ELP4: variants seen among roughly 807,000 people sequenced by gnomAD.
The protein encoded by ELP4 is elongator complex protein 4.
A neutral mutation model predicts 48.9 loss-of-function variants in ELP4; 51 were observed. That is an observed-to-expected ratio of 1.04 (90% CI 0.83 to 1.32). The LOEUF is 1.32. Ranked by LOEUF, ELP4 falls within the 40% of genes most tolerant of loss-of-function variation. The pLI, the probability that ELP4 is intolerant of heterozygous loss-of-function variation, is 0.00. For synonymous variants in ELP4, 210 were observed against 189.2 expected, an observed-to-expected ratio of 1.11 and a Z score of -0.90; for missense variants, 519 against 514.6, an observed-to-expected ratio of 1.01 and a Z score of -0.08.
At chr11:31,647,202 T>A (rs1033817463) in intron 7 of ELP4, 1 of 151,780 alleles carries the variant, frequency 6.6e-6, no homozygotes, top group Non-Finnish European at 1.5e-5. Context: ...CTAGCCATGT[T>A]GCAGTCTCTT....
chr11:31,781,077 A>G (rs886739120), intron 9 of ELP4, among the ~76,000 whole-genome samples: 1 of 152,146 alleles, frequency 6.6e-6, no homozygotes, highest in Non-Finnish European at 1.5e-5. Flanking sequence ...TGCTTGCCTT[A>G]TTCATATTAC....
At chr11:31,513,551 A>G (rs1036636727) in intron 1 of ELP4, among the ~76,000 whole-genome samples, 2 of 152,210 alleles carry the variant, frequency 1.3e-5, no homozygotes, top group East Asian at 1.9e-4. Context: ...AAGGACTGGC[A>G]TAAATCACTG....
intron 8 of ELP4, chr11:31,649,911 A>G (rs1945285215): frequency 2.6e-6 from 1 of 388,798 alleles, no homozygotes; most frequent in Non-Finnish European, 4.6e-6. Flanking sequence ...TTTTCCTCGC[A>G]CAAGGATTTC....
chr11:31,642,496 G>T (rs1945119589), intron 7 of ELP4, among the ~76,000 whole-genome samples: 1 of 151,686 alleles, frequency 6.6e-6, no homozygotes, highest in African/African-American at 2.4e-5. Context: ...AGGAATATTT[G>T]CCATTAGCCC....
chr11:31,768,428 T>A (rs1948081411), intron 9 of ELP4, among the ~76,000 whole-genome samples: 2 of 152,130 alleles, frequency 1.3e-5, no homozygotes, highest in Non-Finnish European at 2.9e-5. Flanking sequence ...TTTTATAAAC[T>A]CAGTAGAGAG....
chr11:31,681,341 C>T (rs569535466), intron 9 of ELP4, among the ~76,000 whole-genome samples: 15 of 152,192 alleles, frequency 9.9e-5, no homozygotes, highest in Admixed American at 4.6e-4. Flanking sequence ...TGCATCATAC[C>T]GTATAGAATT....
intron 2 of ELP4, among the ~76,000 whole-genome samples, chr11:31,528,151 C>G (rs1402647741): frequency 6.6e-6 from 1 of 152,056 alleles, no homozygotes; most frequent in African/African-American, 2.4e-5. Context: ...TATCATGGCA[C>G]TTACTACACA....
chr11:31,687,449 C>G (rs1024925537), intron 9 of ELP4, among the ~76,000 whole-genome samples: 1 of 152,150 alleles, frequency 6.6e-6, no homozygotes, highest in East Asian at 1.9e-4. Context: ...ATAGAAACAA[C>G]AGTTGACTCA....
intron 5 of ELP4, among the ~76,000 whole-genome samples, chr11:31,616,429 A>G (rs1459463648): frequency 2.0e-5 from 3 of 152,136 alleles, no homozygotes; most frequent in Non-Finnish European, 4.4e-5. Context: ...AAAAATTAAA[A>G]TGGATTAAAG....
intron 3 of ELP4, among the ~76,000 whole-genome samples, chr11:31,552,189 ATTC>A (rs1212042030): frequency 4.6e-5 from 7 of 151,956 alleles, no homozygotes; most frequent in African/African-American, 1.7e-4. Context: ...ACTTTATCTT[ATTC>A]TTCTTTGCTA....
chr11:31,551,044 C>G (rs1254428205), intron 3 of ELP4, among the ~76,000 whole-genome samples: 1 of 152,152 alleles, frequency 6.6e-6, no homozygotes, highest in East Asian at 1.9e-4. Context: ...TATGATCGCA[C>G]TTGTTTAAAA....
chr11:31,581,596 G>A (rs1482334241), intron 3 of ELP4, among the ~76,000 whole-genome samples: 2 of 152,026 alleles, frequency 1.3e-5, no homozygotes, highest in Non-Finnish European at 2.9e-5. Context: ...ATTCCTTCTT[G>A]TTCTAAAACG....
chr11:31,691,236 A>G (rs538226987), intron 9 of ELP4, among the ~76,000 whole-genome samples: 1 of 152,098 alleles, frequency 6.6e-6, no homozygotes, highest in African/African-American at 2.4e-5. Context: ...TAAATCTCGG[A>G]TAGTACTATG....
rs575200110 is a variant in ELP4, at chr11:31,626,612, G to T, written c.654-498G>T. The stretch of plus-strand genomic sequence containing the variant: ...GTGAAAATCATACTCACTTTTCTTC[G>T]TGTGTCTTAAAAAATCAAGCTTTAA... On this transcript the variant is annotated intron_variant, in intron 5 of 9. Coordinates refer to ENST00000640961, the MANE Select transcript of ELP4 (RefSeq NM_019040.5). 3.3e-5 allele frequency among the ~76,000 whole-genome samples: 5 copies of T among 151,600 alleles called. No homozygotes were observed. In the East Asian group the frequency reaches 9.7e-4, roughly 29 times the overall value.
rs538595830 is a variant in ELP4 at position 31,665,901 on chromosome 11, T to G, written c.1143+15680T>G. ...AACTCCTGGGCTCAAGCAGAGCACC[T>G]GCCTAGGCCTCTCAAAGTGCTGGGA... On this transcript the variant is annotated intron_variant, in intron 9 of 9. Transcript: ENST00000640961. 5.9e-5 allele frequency among the ~76,000 whole-genome samples: 9 copies of G among 151,736 alleles called. No homozygotes were observed. The South Asian group carries it at 1.9e-3, about 32-fold the overall frequency.
chr11:31,511,188 T>G (rs1391139404), intron 1 of ELP4: 1 of 152,222 alleles, frequency 6.6e-6, no homozygotes, highest in Non-Finnish European at 1.5e-5. Context: ...CCTCCTGAGT[T>G]GCATGGTACT....
At chr11:31,606,402 T>C (rs1016330559) in intron 5 of ELP4, among the ~76,000 whole-genome samples, 3 of 152,120 alleles carry the variant, frequency 2.0e-5, no homozygotes, top group African/African-American at 7.2e-5. Context: ...TATAGCTGTG[T>C]CCTACTATCA....
At chr11:31,753,804 A>G (rs1243547107) in intron 9 of ELP4, among the ~76,000 whole-genome samples, 1 of 152,222 alleles carries the variant, frequency 6.6e-6, no homozygotes, top group African/African-American at 2.4e-5. Flanking sequence ...AAATAACATT[A>G]TTCATTATTT....
At chr11:31,625,082 C>T (rs1944711255) in intron 5 of ELP4, among the ~76,000 whole-genome samples, 1 of 150,922 alleles carries the variant, frequency 6.6e-6, no homozygotes, top group African/African-American at 2.4e-5. Context: ...ATAGTAAGTA[C>T]ATAAGCCAGT....
Sources: gnomAD v4.1 joint callset for allele counts (sites outside exome capture counted in the v4.1 genomes callset) on GRCh38, gnomAD v4.1.1 for gene constraint, MANE v1.5 for transcripts, NCBI Gene and HGNC (gene_info 2026-07-23, HGNC 2026-07-21) for gene names.